The following MVB12A variants were observed in gnomAD, a reference collection of about 807,000 sequenced individuals.
MVB12A encodes the protein multivesicular body subunit 12A.
A neutral mutation model predicts 34.3 loss-of-function variants in MVB12A; 30 were observed. That is an observed-to-expected ratio of 0.88 (90% CI 0.65 to 1.19). The LOEUF (loss-of-function observed/expected upper bound fraction) is 1.19, where lower values mean the gene tolerates loss of function less well. Among genes scored for constraint, MVB12A ranks in the 50% most tolerant of loss-of-function variants. MVB12A has a pLI of 0.00. For missense variants in MVB12A, 355 were observed against 369.2 expected (o/e 0.96, Z 0.31); for synonymous variants, 158 against 158.9 (o/e 0.99, Z 0.04).
chr19:17,410,785 C>T (rs2074764294), intron 2 of MVB12A, among the ~76,000 whole-genome samples: 1 of 144,858 alleles, frequency 6.9e-6, no homozygotes, highest in Non-Finnish European at 1.5e-5. Context: ...AAAAACTAGC[C>T]AGGCGTAGTG....
chr19:17,424,720 G>C lies in MVB12A; in HGVS notation c.759+43G>C. The C allele has an allele frequency of 5.1e-6, 8 of 1,565,226 alleles. No homozygotes were observed. In the Admixed American group the frequency reaches 1.1e-4, roughly 22 times the overall value. On this transcript the variant is annotated intron_variant, in intron 8 of 8. Coordinates refer to ENST00000317040, the MANE Select transcript of MVB12A (RefSeq NM_138401.4). ...GAGGAGGTGGGTGCAGGGCTAGGGA[G>C]GAGGTGCCTGAGGGGCCGGCACCCG... is the stretch of plus-strand genomic sequence containing the variant.
chr19:17,419,647 C>A (rs1006108347), upstream of MVB12A: 1 of 152,680 alleles, frequency 6.5e-6, no homozygotes. Context: ...GGGTCTCGAT[C>A]TCTTGACCTC....
rs374250458 is a variant in MVB12A at position 17,422,323 on chromosome 19, C to T, written c.287-9C>T. 6.2e-7 allele frequency: 1 copy of T among 1,609,202 alleles called. No homozygotes were observed. Among genetic ancestry groups the T allele is most frequent in the Non-Finnish European group, 8.5e-7 (1 of 1,176,922 alleles). On this transcript the variant is annotated splice_polypyrimidine_tract_variant and intron_variant, in intron 3 of 8. Transcript: ENST00000317040. ...TTCCCTCTCTCACTCCCCTACCCCC[C>T]ACTCCCAGAGGCCTCTGTGTCCAAG... is the stretch of plus-strand genomic sequence containing the variant.
chr19:17,410,517 T>TACAC lies in MVB12A; in HGVS notation c.-5+4222_-5+4223insCACA, dbSNP rs2074758962. On this transcript the variant is annotated intron_variant, in intron 2 of 6. Transcript: ENST00000528604. ...AGCTTCATATATATATATATATATA[T>TACAC]ATATATATATATACACACACACATA... Among the ~76,000 whole-genome samples the TACAC allele has an allele frequency of 6.8e-5, 6 of 87,922 alleles. 1 individual carries two copies. Among genetic ancestry groups the TACAC allele is most frequent in the African/African-American group, 3.9e-4 (6 of 15,578 alleles). The allele number at this position is 87,922 out of a possible 152,430, so 57.7% of individuals were successfully genotyped here.
At chr19:17,420,913 C>T (rs1272696565) in intron 3 of MVB12A, 2 of 653,680 alleles carry the variant, frequency 3.1e-6, no homozygotes, top group African/African-American at 1.8e-5. Context: ...TGTCTTTTTA[C>T]ACCATAGCCA....
At chr19:17,413,133 C>A (rs2074779229) in intron 2 of MVB12A, 1 of 151,036 alleles carries the variant, frequency 6.6e-6, no homozygotes, top group South Asian at 2.1e-4. Flanking sequence ...CCACTTAACA[C>A]AATCAGGAAG....
chr19:17,422,160 C>T (rs1599607871), intron 3 of MVB12A, 172 bp from the exon 4 acceptor site: 3 of 500,466 alleles, frequency 6.0e-6, no homozygotes, highest in Non-Finnish European at 1.0e-5. Flanking sequence ...CATGGAATCC[C>T]CTCCTTCATC....
rs1204214796 is a variant in MVB12A, at chr19:17,410,615, T to TATATACACATATATAC, written c.-5+4324_-5+4325insCACATATATACATATA. Among the ~76,000 whole-genome samples, 402 of 144,390 alleles carry TATATACACATATATAC rather than the reference T, an allele frequency of 2.8e-3. 4 individuals are homozygous for TATATACACATATATAC. The highest frequency in any genetic ancestry group is 9.6e-3 in the African/African-American group (379 of 39,302). 94.7% of individuals were successfully genotyped at this position (144,390 alleles called of 152,430 possible). Reference sequence around the variant, plus strand: ...ACACATATATATATACACATATATATATATAATTATTATTATTTTAGAGAA... The same window carrying TATATACACATATATAC: ...ACACATATATATATACACATATATATATATACACATATATACATATAATTATTATTATTTTAGAGAA... On this transcript the variant is annotated intron_variant, in intron 2 of 6. Coordinates refer to the MVB12A transcript ENST00000528604.
Position 17,410,722 on chromosome 19 carries a change from A to G in MVB12A, c.-5+4426A>G, listed in dbSNP as rs2074763902. On this transcript the variant is annotated intron_variant, in intron 2 of 6. Transcript: ENST00000528604. ...GGCGGGTGGATGACCTGACGTCAGG[A>G]GTTCGAGACCAGCCTGGCCAACATG... 6.1e-5 allele frequency among the ~76,000 whole-genome samples: 9 copies of G among 146,494 alleles called. No individual in the cohort carries two copies. The South Asian group carries it at 1.9e-3, about 31-fold the overall frequency.
Position 17,424,032 on chromosome 19 carries a change from C to T in MVB12A, c.667C>T (p.His223Tyr). Residue 223 changes from histidine to tyrosine, a missense_variant, in exon 7 of 9, where the codon CAC (histidine) becomes TAC (tyrosine). By Grantham distance (83) the His-to-Tyr change is moderately conservative (BLOSUM62 2). Transcript: ENST00000317040. ...CATGGATGGGGTTCCCTTCACACTC[C>T]ACCCACGATTTGAGGGCAAGAGCTG... Reference protein sequence around the residue: ...SAMDGVPFTLHPRFEGKSCSP... With the variant: ...SAMDGVPFTLYPRFEGKSCSP... 2 of 1,614,158 alleles carry T rather than the reference C, an allele frequency of 1.2e-6. No homozygotes were observed. Among genetic ancestry groups the T allele is most frequent in the Non-Finnish European group, 1.7e-6 (2 of 1,180,042 alleles).
chr19:17,419,852 C>T, upstream of MVB12A: 1 of 294,730 alleles, frequency 3.4e-6, no homozygotes. Context: ...CGTAGCATTT[C>T]CGGCGGAAGT....
intron 2 of MVB12A, among the ~76,000 whole-genome samples, chr19:17,410,511 T>C (rs1264966391): frequency 3.4e-5 from 3 of 88,884 alleles, no homozygotes; most frequent in African/African-American, 1.9e-4. Context: ...TATATATATA[T>C]ATATATATAT....
In MVB12A at chr19:17,420,401, G is replaced by A. The variant is rs770213242; in HGVS notation, c.179G>A (p.Gly60Asp). 2.5e-6 allele frequency: 4 copies of A among 1,613,790 alleles called. No homozygotes were observed. Among genetic ancestry groups the A allele is most frequent in the Non-Finnish European group, 3.4e-6 (4 of 1,179,960 alleles). The change falls in exon 2 of 9, where the codon GGC (glycine) becomes GAC (aspartate). Residue 60 changes from glycine (G) to aspartate (D), a missense_variant. Coordinates refer to ENST00000317040, the MANE Select transcript of MVB12A (RefSeq NM_138401.4). Reference protein sequence around the residue: ...SGYFLCLSSLGSLENPQENVV... With the variant: ...SGYFLCLSSLDSLENPQENVV... ...TACTTCCTGTGCCTTAGTTCTCTGGGCAGCCTAGAGGTAAGAGGTGCCCAC... is the reference window on the plus strand; with the variant it reads ...TACTTCCTGTGCCTTAGTTCTCTGGACAGCCTAGAGGTAAGAGGTGCCCAC...
At chr19:17,410,495 T>TATATATATATATATA (rs1252681143) in intron 2 of MVB12A, among the ~76,000 whole-genome samples, 5 of 55,204 alleles carry the variant, frequency 9.1e-5, no homozygotes, top group Non-Finnish European at 1.4e-4. Flanking sequence ...TGGTTTTAGC[T>TATATATATATATATA]TCATATATAT....
At chr19:17,417,057 T>TC, upstream of MVB12A, 1 of 419,372 alleles carries the variant, frequency 2.4e-6, no homozygotes, top group South Asian at 1.8e-5. Context: ...TCCACTTTTT[T>TC]CCAGGCAACT....
At chr19:17,421,558 T>C (rs1373389634) in intron 3 of MVB12A, among the ~76,000 whole-genome samples, 1 of 152,208 alleles carries the variant, frequency 6.6e-6, no homozygotes, top group Non-Finnish European at 1.5e-5. Context: ...TATTTTAGGC[T>C]TTACAGGGCA....
chr19:17,424,125 A>C, intron 7 of MVB12A, 58 bp downstream of exon 7: 1 of 1,530,708 alleles, frequency 6.5e-7, no homozygotes. Context: ...TCTGGGTGCC[A>C]GGACATCCCT....
intron 2 of MVB12A, chr19:17,414,877 G>T (rs761980145): frequency 6.6e-6 from 1 of 152,032 alleles, no homozygotes; most frequent in Non-Finnish European, 1.5e-5. Context: ...TCAAAACAAA[G>T]AAACAAACAA....
In MVB12A at chr19:17,424,927, C is replaced by G. The variant is rs780355820; in HGVS notation, c.760-4C>G. On this transcript the variant is annotated splice_region_variant and splice_polypyrimidine_tract_variant and intron_variant, in intron 8 of 8. Coordinates refer to ENST00000317040, the MANE Select transcript of MVB12A (RefSeq NM_138401.4). ...TGTTCACTCTCTCTCTCCCCATCCC[C>G]CAGTATAACTACGGCTTCGTGGTGG... 2.5e-6 allele frequency: 4 copies of G among 1,606,900 alleles called. No individual in the cohort carries two copies. The highest frequency in any genetic ancestry group is 2.2e-5 in the East Asian group (1 of 44,558).
Sources: allele counts gnomAD v4.1 joint callset (sites outside exome capture counted in the v4.1 genomes callset), GRCh38; gene constraint gnomAD v4.1.1; transcripts MANE v1.5; gene names NCBI Gene and HGNC (gene_info 2026-07-23, HGNC 2026-07-21).